Variants in LTN1 observed in about 807,000 individuals in gnomAD.
LTN1 encodes E3 ubiquitin-protein ligase listerin.
LTN1 carries 88 observed loss-of-function variants against 201.2 expected under a neutral mutation model. The observed-to-expected ratio is 0.44, with a 90% CI of 0.37 to 0.52. The LOEUF is 0.52. Among genes scored for constraint, LTN1 ranks in the 20% least tolerant of loss-of-function variants. The pLI is 0.00. For missense variants in LTN1, 1,752 were observed against 2,038.7 expected, an observed-to-expected ratio of 0.86 and a Z score of 2.71; for synonymous variants, 645 against 713.5, an observed-to-expected ratio of 0.90 and a Z score of 1.53.
At position 28,981,252 on chromosome 21, in the gene LTN1, G is replaced by A. The variant is rs773657005; in HGVS notation, c.677C>T (p.Thr226Ile). The stretch of plus-strand genomic sequence containing the variant: ...TCTCTTTAATGCCAATAAGGAACAA[G>A]TTACAACCCGGTAGAATTTAGCTTC... Reference protein sequence around the residue: ...EREAKFYRVVTCSLLALKRLL... With the variant: ...EREAKFYRVVICSLLALKRLL... The change falls in exon 6 of 30, where the codon ACT (threonine) becomes ATT (isoleucine). Residue 226 changes from threonine to isoleucine, a missense_variant. Coordinates refer to ENST00000361371, the MANE Select transcript of LTN1 (RefSeq NM_015565.3). The A allele has an allele frequency of 1.3e-6, 2 of 1,582,438 alleles. No individual in the cohort carries two copies. Among genetic ancestry groups the A allele is most frequent in the Non-Finnish European group, 1.7e-6 (2 of 1,170,252 alleles).
chr21:28,941,312 T>C lies in LTN1; in HGVS notation c.4390A>G (p.Ile1464Val), dbSNP rs1361185147. 2 of 1,613,002 alleles carry C rather than the reference T, an allele frequency of 1.2e-6. No individual in the cohort carries two copies. The highest frequency in any genetic ancestry group is 1.7e-5 in the Admixed American group (1 of 59,982). Residue 1464 changes from isoleucine (I) to valine (V), a missense_variant, in exon 25 of 30, where the codon ATT becomes GTT. Ile to Val is a conservative substitution (Grantham distance 29, BLOSUM62 3). Around this residue, in one of 3 missense-constraint regions of LTN1, gnomAD observed 1,211 missense variants for 1,312.8 expected, o/e 0.92. Transcript: ENST00000361371. Reference protein sequence around the residue: ...GCIPVGQIVTIKPLSEDFCYV... With the variant: ...GCIPVGQIVTVKPLSEDFCYV... ...CAGAAGTCTTCACTCAGTGGTTTAATAGTAACTATCTGTCCAACAGGAATA... is the reference window on the plus strand; with the variant it reads ...CAGAAGTCTTCACTCAGTGGTTTAACAGTAACTATCTGTCCAACAGGAATA...
rs1300615417 is a variant in LTN1, at chr21:28,970,846, T to A, written c.985-104A>T. On this transcript the variant is annotated intron_variant, in intron 7 of 29. Transcript: ENST00000361371. Reference sequence around the variant, plus strand: ...TCTCAAAAAGAAAAACCAAGTATTTTACCTAAAAAAAGCTAAAATCTTTCA... The same window carrying A: ...TCTCAAAAAGAAAAACCAAGTATTTAACCTAAAAAAAGCTAAAATCTTTCA... 4 of 869,854 alleles carry A rather than the reference T, an allele frequency of 4.6e-6. No individual in the cohort carries two copies. In the African/African-American group the frequency reaches 5.2e-5, roughly 11 times the overall value. 53.9% of individuals were successfully genotyped at this position (869,854 alleles called of 1,614,324 possible).
intron 6 of LTN1, among the ~76,000 whole-genome samples, chr21:28,980,275 C>T (rs564099179): frequency 2.6e-5 from 4 of 151,044 alleles, no homozygotes; most frequent in Admixed American, 6.6e-5. Context: ...GAGTTAGATA[C>T]GCTTTATCCA....
intron 18 of LTN1, among the ~76,000 whole-genome samples, chr21:28,950,380 C>A (rs62223968): frequency 4.6e-5 from 7 of 152,086 alleles, no homozygotes; most frequent in Non-Finnish European, 8.8e-5. Context: ...AAATATACAT[C>A]CATCTCCTTA....
intron 11 of LTN1, 21 bp downstream of exon 11, chr21:28,965,844 A>G (rs1448525021): frequency 6.1e-6 from 8 of 1,310,754 alleles, no homozygotes; most frequent in Admixed American, 2.3e-5. Context: ...AAAAAAAAAG[A>G]AAAAAAAATC....
At chr21:28,968,949 G>A (rs550909019) in intron 9 of LTN1, among the ~76,000 whole-genome samples, 5 of 151,466 alleles carry the variant, frequency 3.3e-5, no homozygotes, top group South Asian at 2.1e-4. Flanking sequence ...GGCCGGGCGC[G>A]GTGGCTCACA....
chr21:28,934,803 A>C (rs950759323), intron 27 of LTN1, among the ~76,000 whole-genome samples: 2 of 152,160 alleles, frequency 1.3e-5, no homozygotes, highest in African/African-American at 4.8e-5. Flanking sequence ...CATTTATAGC[A>C]ATCTGAGAAT....
In LTN1 at chr21:28,943,838, A is replaced by G; in HGVS notation, c.4049T>C (p.Leu1350Ser). The change falls in exon 23 of 30, where the codon TTA becomes TCA. Residue 1350 changes from leucine to serine, a missense_variant. This residue lies in a region of LTN1 where 1,211 missense variants were observed against 1,312.8 expected (regional missense o/e 0.92). Transcript: ENST00000361371. Reference sequence around the variant, plus strand: ...TAGCTGTTCCTTTGAGATATACGTTAATGTTTCACACATGGGTTTCAGCAT... The same window carrying G: ...TAGCTGTTCCTTTGAGATATACGTTGATGTTTCACACATGGGTTTCAGCAT... ...NAMLKPMCETLTYISKEQLLS... is the reference protein window; with the variant it reads ...NAMLKPMCETSTYISKEQLLS... 6.2e-7 allele frequency: 1 copy of G among 1,613,820 alleles called. No homozygotes were observed. Among genetic ancestry groups the G allele is most frequent in the South Asian group, 1.1e-5 (1 of 91,078 alleles).
chr21:28,944,193 T>G (rs1021007706), intron 22 of LTN1, among the ~76,000 whole-genome samples, 190 bp downstream of exon 22: 4 of 152,358 alleles, frequency 2.6e-5, no homozygotes, highest in African/African-American at 9.6e-5. Flanking sequence ...ATTGGATACC[T>G]TGCCATTTTT....
At chr21:28,948,440 T>G (rs555262854) in intron 18 of LTN1, among the ~76,000 whole-genome samples, 8 of 151,508 alleles carry the variant, frequency 5.3e-5, no homozygotes, top group African/African-American at 1.9e-4. Flanking sequence ...TGGCTAACTT[T>G]TTTTTTTCAT....
In LTN1 at chr21:28,946,144, T is replaced by C; in HGVS notation, c.3623+8A>G. 6.4e-7 allele frequency: 1 copy of C among 1,568,346 alleles called. No individual in the cohort carries two copies. Among genetic ancestry groups the C allele is most frequent in the African/African-American group, 1.4e-5 (1 of 72,412 alleles). On this transcript the variant is annotated splice_region_variant and intron_variant, in intron 20 of 29. Transcript: ENST00000361371. ...TGAAGGAAAAACATAGTATAAAGTA[T>C]CACCTACCAACTGAAAAGAAAAATA...
Position 28,959,659 on chromosome 21 carries a change from C to A in LTN1, c.2392G>T (p.Val798Phe), listed in dbSNP as rs1568845140. The A allele has an allele frequency of 6.2e-7, 1 of 1,613,212 alleles. No homozygotes were observed. Among genetic ancestry groups the A allele is most frequent in the East Asian group, 2.2e-5 (1 of 44,814 alleles). Reference sequence around the variant, plus strand: ...TTGAATAAAGTTTCATGAAGTCTAACAATGATTCTTTCAACATATACGTCT... The same window carrying A: ...TTGAATAAAGTTTCATGAAGTCTAAAAATGATTCTTTCAACATATACGTCT... ...IGDVYVERII[V>F]RLHETLFKTK... The change falls in exon 13 of 30, where the codon GTT becomes TTT. Residue 798 changes from valine to phenylalanine, a missense_variant. Physicochemically the swap from Val to Phe is conservative, Grantham distance 50. This residue lies in a region of LTN1 where 1,211 missense variants were observed against 1,312.8 expected (regional missense o/e 0.92). Coordinates refer to ENST00000361371, the MANE Select transcript of LTN1 (RefSeq NM_015565.3).
At position 28,986,107 on chromosome 21, in the gene LTN1, C is replaced by T. The variant is rs1382512913; in HGVS notation, c.345+32G>A. 1 of 1,273,590 alleles carries T rather than the reference C, an allele frequency of 7.9e-7. No individual in the cohort carries two copies. The highest frequency in any genetic ancestry group is 1.5e-5 in the African/African-American group (1 of 68,036). 78.9% of individuals were successfully genotyped at this position (1,273,590 alleles called of 1,614,324 possible). ...ATGACTCCAACCAAAAAATATACAA[C>T]AGAAATAAACTAGCAAAGTTTTAAT... On this transcript the variant is annotated intron_variant, in intron 3 of 29. Transcript: ENST00000361371. This position sits in a 1 kb window ranked among gnomAD's most constrained non-coding sequence, Gnocchi z 4.1.
At chr21:28,949,712 T>C (rs2084368072) in intron 18 of LTN1, among the ~76,000 whole-genome samples, 1 of 152,236 alleles carries the variant, frequency 6.6e-6, no homozygotes, top group African/African-American at 2.4e-5. Flanking sequence ...ATTATATGGT[T>C]ATACCACACT....
chr21:28,983,265 T>C lies in LTN1; in HGVS notation c.577-897A>G, dbSNP rs117194653. Among the ~76,000 whole-genome samples, 130 of 152,314 alleles carry C rather than the reference T, an allele frequency of 8.5e-4. 1 individual carries two copies. The highest frequency in any genetic ancestry group is 1.4e-3 in the Non-Finnish European group (93 of 68,030). On this transcript the variant is annotated intron_variant, in intron 4 of 29. Transcript: ENST00000361371. ...TGTTCAATGATTAGTTATCCATCCA[T>C]GACAAAGCCAAGAACAAATTTATTT... is the stretch of plus-strand genomic sequence containing the variant.
At chr21:28,944,894 C>T (rs965428471) in intron 21 of LTN1, among the ~76,000 whole-genome samples, 2 of 152,100 alleles carry the variant, frequency 1.3e-5, no homozygotes, top group Non-Finnish European at 2.9e-5. Context: ...ATAATCTTCT[C>T]AGTAGCCCTA....
intron 16 of LTN1, among the ~76,000 whole-genome samples, chr21:28,954,693 C>T (rs563888139): frequency 2.6e-5 from 4 of 152,156 alleles, no homozygotes; most frequent in Non-Finnish European, 5.9e-5. Flanking sequence ...GGGGAAAGGA[C>T]ATCCTCTTCA....
Position 28,986,104 on chromosome 21 carries a change from C to A in LTN1, c.345+35G>T. The A allele has an allele frequency of 1.6e-6, 2 of 1,246,538 alleles. No homozygotes were observed. The highest frequency in any genetic ancestry group is 2.4e-6 in the Non-Finnish European group (2 of 850,738). The allele number at this position is 1,246,538 out of a possible 1,614,324, so 77.2% of individuals were successfully genotyped here. ...TCCATGACTCCAACCAAAAAATATA[C>A]AACAGAAATAAACTAGCAAAGTTTT... On this transcript the variant is annotated intron_variant, in intron 3 of 29. Coordinates refer to ENST00000361371, the MANE Select transcript of LTN1 (RefSeq NM_015565.3). The surrounding 1 kb of genome is among the most constrained non-coding windows in gnomAD (Gnocchi z 4.1).
Position 28,936,556 on chromosome 21 carries a change from A to C in LTN1, c.4624T>G (p.Phe1542Val), listed in dbSNP as rs2084258612. ...ATACTCAGCTGGAGCTCCTCAGTAA[A>C]GAATGTTTTAGGGTCCTTATTTGGG... ...EVPNKDPKTF[F>V]TEELQLSIRE... Residue 1542 changes from phenylalanine to valine, a missense_variant, in exon 26 of 30, where the codon TTT becomes GTT. Phe to Val is a conservative substitution (Grantham distance 50). Transcript: ENST00000361371. 1 of 1,613,658 alleles carries C rather than the reference A, an allele frequency of 6.2e-7. No homozygotes were observed. Among genetic ancestry groups the C allele is most frequent in the Non-Finnish European group, 8.5e-7 (1 of 1,179,796 alleles).
Sources: allele counts gnomAD v4.1 joint callset (sites outside exome capture counted in the v4.1 genomes callset), GRCh38; gene constraint gnomAD v4.1.1; regional missense constraint gnomAD v4.1.1; non-coding constraint Gnocchi (gnomAD v3.1); transcripts MANE v1.5; gene names NCBI Gene and HGNC (gene_info 2026-07-23, HGNC 2026-07-21).